The following OPCML variants were observed in gnomAD, a reference collection of about 807,000 sequenced individuals.
OPCML encodes the protein opioid-binding protein/cell adhesion molecule.
In OPCML, 13 loss-of-function variants were observed where a neutral mutation model predicts 37.8. That is an observed-to-expected ratio of 0.34 (90% confidence interval 0.22 to 0.55). The LOEUF is 0.55. Among genes scored for constraint, OPCML ranks in the 20% least tolerant of loss-of-function variants. OPCML has a pLI of 0.91. For missense variants in OPCML, 341 were observed against 435.6 expected, an observed-to-expected ratio of 0.78 and a Z score of 1.93; for synonymous variants, 176 against 168.8, an observed-to-expected ratio of 1.04 and a Z score of -0.33.
intron 3 of OPCML, among the ~76,000 whole-genome samples, chr11:132,556,416 T>C (rs1259919852): frequency 2.0e-5 from 3 of 152,144 alleles, no homozygotes; most frequent in Non-Finnish European, 1.5e-5. Flanking sequence ...TATGGAATCA[T>C]AAAATTTTAG....
intron 1 of OPCML, among the ~76,000 whole-genome samples, chr11:133,137,281 C>T (rs1012376376): frequency 6.6e-6 from 1 of 152,166 alleles, no homozygotes; most frequent in Non-Finnish European, 1.5e-5. Flanking sequence ...GGTGAATGAT[C>T]TTTGGAGATT....
At chr11:132,529,446 T>C (rs1425474342) in intron 3 of OPCML, among the ~76,000 whole-genome samples, 2 of 152,038 alleles carry the variant, frequency 1.3e-5, no homozygotes, top group African/African-American at 2.4e-5. Flanking sequence ...AATTGAGAGA[T>C]GGTGTGACTG....
chr11:133,080,193 A>G (rs2137028501), intron 1 of OPCML, among the ~76,000 whole-genome samples: 1 of 152,242 alleles, frequency 6.6e-6, no homozygotes, highest in Admixed American at 6.5e-5. Flanking sequence ...TATAGACCTG[A>G]CCTGGAATCA....
chr11:132,607,830 T>C (rs934918466), intron 3 of OPCML, among the ~76,000 whole-genome samples: 2 of 152,158 alleles, frequency 1.3e-5, no homozygotes, highest in Admixed American at 6.5e-5. Flanking sequence ...AGGGATTAGA[T>C]TGGTGGTTAC....
At position 132,625,191 on chromosome 11, in the gene OPCML, T is replaced by C. The variant is rs79778224; in HGVS notation, c.379+31896A>G. On this transcript the variant is annotated intron_variant, in intron 3 of 7. Transcript: ENST00000524381. Reference sequence around the variant, plus strand: ...CCTCCTGTCTGTTCATTGTTTTTTGTTTTTTTCTCCTGCCTCACCTCCCTC... The same window carrying C: ...CCTCCTGTCTGTTCATTGTTTTTTGCTTTTTTCTCCTGCCTCACCTCCCTC... Among the ~76,000 whole-genome samples, 1,114 of 152,204 alleles carry C rather than the reference T, an allele frequency of 7.3e-3. 6 individuals are homozygous for C. Among genetic ancestry groups the C allele is most frequent in the African/African-American group, 0.025 (1,057 of 41,508 alleles).
chr11:133,458,156 A>ATG (rs1334679526), intron 1 of OPCML, among the ~76,000 whole-genome samples: 1 of 150,050 alleles, frequency 6.7e-6, no homozygotes, highest in South Asian at 2.1e-4. Context: ...GAGAAAAAAT[A>ATG]TATATATACA....
intron 1 of OPCML, among the ~76,000 whole-genome samples, chr11:133,293,898 ACACAC>A (rs757427487): frequency 0.36 from 52,008 of 142,848 alleles, 10,701 homozygotes; most frequent in East Asian, 0.62. Context: ...AAGACTTCAC[ACACAC>A]ACACACACAC....
chr11:133,451,088 C>T (rs142246071), intron 1 of OPCML, among the ~76,000 whole-genome samples: 2 of 151,674 alleles, frequency 1.3e-5, no homozygotes, highest in African/African-American at 4.9e-5. Context: ...AAAAGGGAGA[C>T]TAGAACTCAA....
chr11:133,115,466 C>G (rs983837109), intron 1 of OPCML, among the ~76,000 whole-genome samples: 9 of 152,116 alleles, frequency 5.9e-5, no homozygotes, highest in African/African-American at 2.2e-4. Flanking sequence ...GAGAAGAAAA[C>G]AGGTCTATCT....
chr11:132,964,486 G>A (rs1275844069), intron 1 of OPCML, among the ~76,000 whole-genome samples: 1 of 152,190 alleles, frequency 6.6e-6, no homozygotes. Context: ...TTTCTCACCT[G>A]AAAAATGAGG....
chr11:132,963,030 G>A (rs535179803), intron 1 of OPCML, among the ~76,000 whole-genome samples: 26 of 152,118 alleles, frequency 1.7e-4, no homozygotes, highest in Non-Finnish European at 3.5e-4. Flanking sequence ...GAAGCCTGAC[G>A]TGACCACCCC....
intron 4 of OPCML, among the ~76,000 whole-genome samples, chr11:132,494,221 G>A (rs1565611302): frequency 6.6e-6 from 1 of 152,170 alleles, no homozygotes; most frequent in Non-Finnish European, 1.5e-5. Context: ...AACGTGTTGG[G>A]TTTGTCTTCC....
chr11:133,077,185 G>A (rs1948634083), intron 1 of OPCML, among the ~76,000 whole-genome samples: 1 of 151,888 alleles, frequency 6.6e-6, no homozygotes. Flanking sequence ...ACTCAACCCT[G>A]CCTGGATATC....
At chr11:133,070,472 T>G (rs543430769) in intron 1 of OPCML, among the ~76,000 whole-genome samples, 2 of 152,232 alleles carry the variant, frequency 1.3e-5, no homozygotes, top group South Asian at 4.1e-4. Context: ...AATGCTGACT[T>G]CCACCCAGGG....
At chr11:133,359,948 T>C (rs897743827) in intron 1 of OPCML, 8 of 152,238 alleles carry the variant, frequency 5.3e-5, no homozygotes, top group Admixed American at 2.0e-4. Flanking sequence ...CACAAAGCTA[T>C]GTGAACCCAG....
intron 2 of OPCML, among the ~76,000 whole-genome samples, chr11:132,789,294 T>C (rs900349459): frequency 1.3e-5 from 2 of 152,244 alleles, no homozygotes. Context: ...TTCACCACTG[T>C]CTAGGCAACA....
Position 132,940,540 on chromosome 11 carries a change from T to C in OPCML, c.146+2386A>G, listed in dbSNP as rs369166962. ...GCAAAAAACACCACCAAATAAAACATGGTATATTTATCTGGGGTTGAAGCC... is the reference window on the plus strand; with the variant it reads ...GCAAAAAACACCACCAAATAAAACACGGTATATTTATCTGGGGTTGAAGCC... On this transcript the variant is annotated intron_variant, in intron 2 of 7. Transcript: ENST00000524381. 7.3e-4 allele frequency among the ~76,000 whole-genome samples: 111 copies of C among 152,264 alleles called. 1 individual carries two copies. Among genetic ancestry groups the C allele is most frequent in the African/African-American group, 2.5e-3 (105 of 41,526 alleles).
intron 3 of OPCML, among the ~76,000 whole-genome samples, chr11:132,571,752 T>C (rs2096439058): frequency 6.6e-6 from 1 of 152,196 alleles, no homozygotes; most frequent in South Asian, 2.1e-4. Context: ...TATATCTCTT[T>C]GAGATATGGA....
chr11:133,310,490 G>A (rs1943042271), intron 1 of OPCML, among the ~76,000 whole-genome samples: 1 of 152,266 alleles, frequency 6.6e-6, no homozygotes, highest in East Asian at 1.9e-4. Flanking sequence ...TATGGCATAA[G>A]GTCAGGTGAT....
Sources: gnomAD v4.1 joint callset for allele counts (sites outside exome capture counted in the v4.1 genomes callset) on GRCh38, gnomAD v4.1.1 for gene constraint, MANE v1.5 for transcripts, NCBI Gene and HGNC (gene_info 2026-07-23, HGNC 2026-07-21) for gene names.